The following CDH4 variants were observed in gnomAD, a reference collection of about 807,000 sequenced individuals.
CDH4 encodes cadherin-4.
CDH4 carries 33 observed loss-of-function variants against 86.0 expected under a neutral mutation model. That is an observed-to-expected ratio of 0.38 (90% confidence interval 0.29 to 0.51). The LOEUF (loss-of-function observed/expected upper bound fraction) is 0.51. Among genes scored for constraint, CDH4 ranks in the 20% least tolerant of loss-of-function variants. The pLI, the probability that CDH4 is intolerant of heterozygous loss-of-function variation, is 0.86. For missense variants in CDH4, 1,114 were observed against 1,307.4 expected (o/e 0.85, Z 2.28); for synonymous variants, 555 against 549.4 (o/e 1.01, Z -0.14).
At chr20:61,935,429 C>T (rs1156508051) in intron 15 of CDH4, among the ~76,000 whole-genome samples, 3 of 151,896 alleles carry the variant, frequency 2.0e-5, no homozygotes, top group African/African-American at 7.3e-5. Flanking sequence ...GATCCCCAAA[C>T]GTTTGCCCTG....
Position 61,829,178 on chromosome 20 carries a change from G to A in CDH4, c.577-15490G>A, listed in dbSNP as rs8118080. On this transcript the variant is annotated intron_variant, in intron 4 of 15. Coordinates refer to ENST00000614565, the MANE Select transcript of CDH4 (RefSeq NM_001794.5). The surrounding 1 kb of genome is among the most constrained non-coding windows in gnomAD (Gnocchi z 4.2). ...CAGTCGCTTCTCCTTCCCTGGCCTC[G>A]CCCCCAGCAGCCAATAACGTACTTC... 2.0e-5 allele frequency among the ~76,000 whole-genome samples: 3 copies of A among 152,268 alleles called. No individual in the cohort carries two copies. The highest frequency in any genetic ancestry group is 1.9e-4 in the East Asian group (1 of 5,184).
chr20:61,406,384 G>C (rs1353758925), intron 2 of CDH4, among the ~76,000 whole-genome samples: 1 of 146,792 alleles, frequency 6.8e-6, no homozygotes, highest in Admixed American at 6.8e-5. Flanking sequence ...GCTCTGCCCG[G>C]ACCACTGTCT....
At chr20:61,347,334 C>T (rs919898625) in intron 2 of CDH4, among the ~76,000 whole-genome samples, 2 of 152,206 alleles carry the variant, frequency 1.3e-5, no homozygotes, top group African/African-American at 4.8e-5. Context: ...GAAATATACA[C>T]CTAGATTAGA....
At chr20:61,871,682 C>T (rs1000466196) in intron 6 of CDH4, among the ~76,000 whole-genome samples, 22 of 151,972 alleles carry the variant, frequency 1.4e-4, no homozygotes, top group African/African-American at 5.1e-4. Flanking sequence ...GTGGGGACAT[C>T]GTGATGGGGG....
At chr20:61,434,082 C>A (rs1260417146) in intron 2 of CDH4, among the ~76,000 whole-genome samples, 1 of 152,126 alleles carries the variant, frequency 6.6e-6, no homozygotes, top group African/African-American at 2.4e-5. Context: ...CCACTGGCTT[C>A]GTTCTTGGGG....
In CDH4 at chr20:61,601,548, C is replaced by T. The variant is rs989460405; in HGVS notation, c.170-142015C>T. Among the ~76,000 whole-genome samples the T allele has an allele frequency of 7.2e-5, 11 of 152,326 alleles. No individual in the cohort carries two copies. In the East Asian group the frequency reaches 7.7e-4, roughly 11 times the overall value. On this transcript the variant is annotated intron_variant, in intron 2 of 15. Transcript: ENST00000614565. ...GCCTAACCCTCGGCCCTGCTCTTCC[C>T]GGGGCCTGTTCAGATGCCCGCCCGC...
chr20:61,583,593 C>T (rs73304622), intron 2 of CDH4, among the ~76,000 whole-genome samples: 5,119 of 152,236 alleles, frequency 0.034, 289 homozygotes, highest in African/African-American at 0.11. Flanking sequence ...CCTGGGAGCC[C>T]GTGCCCTAGA....
intron 2 of CDH4, among the ~76,000 whole-genome samples, chr20:61,388,039 T>G (rs2084961920): frequency 9.9e-5 from 15 of 152,246 alleles, no homozygotes. Flanking sequence ...TTAACAGTTT[T>G]GCATTCAATG....
At chr20:61,331,634 C>CCGCCA (rs1568801110) in intron 2 of CDH4, among the ~76,000 whole-genome samples, 13 of 67,816 alleles carry the variant, frequency 1.9e-4, no homozygotes, top group East Asian at 4.3e-4. Context: ...CCTCCTGCCC[C>CCGCCA]AGACCCACCT....
intron 2 of CDH4, among the ~76,000 whole-genome samples, chr20:61,628,206 C>T (rs1399285594): frequency 1.3e-5 from 2 of 152,156 alleles, no homozygotes; most frequent in African/African-American, 4.8e-5. Flanking sequence ...CTTCCCAGGA[C>T]CCCCGGCTGC....
intron 3 of CDH4, among the ~76,000 whole-genome samples, chr20:61,758,299 A>G (rs1196961925): frequency 2.6e-5 from 4 of 152,202 alleles, no homozygotes; most frequent in African/African-American, 9.7e-5. Flanking sequence ...CAGCAGATGC[A>G]AAGAGCCAAG....
chr20:61,574,811 G>C (rs1238152752), intron 2 of CDH4, among the ~76,000 whole-genome samples: 2 of 152,130 alleles, frequency 1.3e-5, no homozygotes, highest in African/African-American at 4.8e-5. Flanking sequence ...CCAAGTCCAG[G>C]GTTCTCATAG....
At chr20:61,359,086 G>A (rs2084769622) in intron 2 of CDH4, among the ~76,000 whole-genome samples, 1 of 152,170 alleles carries the variant, frequency 6.6e-6, no homozygotes, top group Non-Finnish European at 1.5e-5. Flanking sequence ...AAAGACACAT[G>A]CCCGCATTTC....
intron 2 of CDH4, among the ~76,000 whole-genome samples, chr20:61,734,312 T>A (rs2088233674): frequency 6.6e-6 from 1 of 152,230 alleles, no homozygotes; most frequent in Admixed American, 6.5e-5. Flanking sequence ...CTACATGTAA[T>A]CCTCGGAGTT....
At chr20:61,690,206 A>C (rs66937357) in intron 2 of CDH4, among the ~76,000 whole-genome samples, 16,032 of 151,726 alleles carry the variant, frequency 0.11, 1,361 homozygotes, top group East Asian at 0.37. Context: ...TTGGGCTGGG[A>C]TAATGTTTGG....
At chr20:61,448,766 A>G (rs1389584216) in intron 2 of CDH4, among the ~76,000 whole-genome samples, 1 of 152,174 alleles carries the variant, frequency 6.6e-6, no homozygotes, top group Non-Finnish European at 1.5e-5. Context: ...ATGAATATAC[A>G]GATAGGCACC....
At chr20:61,927,392 G>A (rs1321674365) in intron 11 of CDH4, among the ~76,000 whole-genome samples, 1 of 152,144 alleles carries the variant, frequency 6.6e-6, no homozygotes, top group Non-Finnish European at 1.5e-5. Context: ...CTGGGGGCTC[G>A]GCAGAGCACC....
At chr20:61,373,821 G>A (rs2084852792) in intron 2 of CDH4, among the ~76,000 whole-genome samples, 1 of 152,226 alleles carries the variant, frequency 6.6e-6, no homozygotes, top group African/African-American at 2.4e-5. Flanking sequence ...AATGCTAAGT[G>A]TGATTTCTAA....
At chr20:61,473,539 G>A (rs1347447226) in intron 2 of CDH4, among the ~76,000 whole-genome samples, 1 of 152,134 alleles carries the variant, frequency 6.6e-6, no homozygotes, top group African/African-American at 2.4e-5. Flanking sequence ...GCCTATTTAA[G>A]GAGCTCACAT....
Sources: allele counts gnomAD v4.1 joint callset (sites outside exome capture counted in the v4.1 genomes callset), GRCh38; gene constraint gnomAD v4.1.1; non-coding constraint Gnocchi (gnomAD v3.1); transcripts MANE v1.5; gene names NCBI Gene and HGNC (gene_info 2026-07-23, HGNC 2026-07-21).